Variants in GRAMD1B observed in about 807,000 individuals in gnomAD.
The protein encoded by GRAMD1B is protein Aster-B.
Under a neutral mutation model 99.7 loss-of-function variants are expected in GRAMD1B, and 37 were observed. The ratio of observed to expected loss-of-function variants is 0.37; its 90% CI spans 0.29 to 0.49. The LOEUF (loss-of-function observed/expected upper bound fraction) is 0.49, where lower values mean the gene tolerates loss of function less well. Ranked by LOEUF, GRAMD1B falls within the 20% of genes least tolerant of loss-of-function variation. The pLI, the probability that GRAMD1B is intolerant of heterozygous loss-of-function variation, is 0.98. For synonymous variants in GRAMD1B, 427 were observed against 387.6 expected (o/e 1.10, Z -1.19); for missense variants, 888 against 1,009.2 (o/e 0.88, Z 1.63).
intron 2 of GRAMD1B, among the ~76,000 whole-genome samples, chr11:123,555,890 C>T (rs535357453): frequency 2.6e-5 from 4 of 152,142 alleles, no homozygotes; most frequent in African/African-American, 7.2e-5. Flanking sequence ...CCCACCACCA[C>T]GCCTGGCTAA....
chr11:123,598,399 T>C, intron 7 of GRAMD1B: 1 of 947,884 alleles, frequency 1.1e-6, no homozygotes, highest in Admixed American at 1.7e-5. Context: ...TCTTCTCCTG[T>C]CCTTGCTTGC....
At chr11:123,555,673 CT>C (rs1235394717) in intron 2 of GRAMD1B, among the ~76,000 whole-genome samples, 2 of 151,606 alleles carry the variant, frequency 1.3e-5, no homozygotes, top group African/African-American at 4.8e-5. Flanking sequence ...TTAGAAATAA[CT>C]GTAGGATCAT....
chr11:123,608,589 G>A, intron 11 of GRAMD1B, 70 bp from the exon 12 acceptor site: 1 of 1,553,448 alleles, frequency 6.4e-7, no homozygotes, highest in Non-Finnish European at 8.7e-7. Flanking sequence ...AAGTGCTCTT[G>A]GAGGATGTCC....
At chr11:123,422,773 C>T (rs1205914893) in intron 1 of GRAMD1B, among the ~76,000 whole-genome samples, 2 of 152,210 alleles carry the variant, frequency 1.3e-5, no homozygotes, top group Non-Finnish European at 2.9e-5. Context: ...CCTTGTTCAA[C>T]ATGGAAAATG....
chr11:123,508,321 T>C (rs1032819329), intron 2 of GRAMD1B, among the ~76,000 whole-genome samples: 5 of 152,178 alleles, frequency 3.3e-5, no homozygotes, highest in African/African-American at 1.2e-4. Flanking sequence ...CCCACTCTTA[T>C]GATAACTAAC....
chr11:123,366,636 A>G (rs1406386565), intron 1 of GRAMD1B, among the ~76,000 whole-genome samples: 3 of 152,258 alleles, frequency 2.0e-5, no homozygotes, highest in Admixed American at 6.5e-5. Context: ...CAAACATGAA[A>G]TAGGAGAAAG....
intron 1 of GRAMD1B, among the ~76,000 whole-genome samples, chr11:123,479,081 G>C (rs538459637): frequency 7.2e-4 from 109 of 152,330 alleles, no homozygotes; most frequent in South Asian, 1.9e-3. Context: ...ATGATGAGCA[G>C]CCACTGCATA....
intron 2 of GRAMD1B, among the ~76,000 whole-genome samples, chr11:123,570,056 T>C (rs1361113372): frequency 6.6e-6 from 1 of 152,242 alleles, no homozygotes; most frequent in East Asian, 1.9e-4. Context: ...TGCACAGCTG[T>C]TATACCCGGA....
intron 1 of GRAMD1B, among the ~76,000 whole-genome samples, chr11:123,361,255 T>C (rs1591346604): frequency 1.3e-5 from 2 of 152,194 alleles, no homozygotes; most frequent in East Asian, 3.8e-4. Context: ...CTGTAATATG[T>C]ATGCTTGTCA....
chr11:123,576,560 G>A (rs2673330), intron 2 of GRAMD1B, among the ~76,000 whole-genome samples: 42,073 of 152,112 alleles, frequency 0.28, 6,251 homozygotes, highest in South Asian at 0.43. Context: ...TTTATTTGCA[G>A]CTTATAAGCC....
intron 1 of GRAMD1B, among the ~76,000 whole-genome samples, chr11:123,402,624 T>C (rs1210844925): frequency 6.6e-6 from 1 of 152,178 alleles, no homozygotes; most frequent in East Asian, 1.9e-4. Context: ...CAAGGCCAGG[T>C]CTACCTGGTT....
chr11:123,599,138 T>C (rs1296643543), intron 7 of GRAMD1B: 6 of 809,040 alleles, frequency 7.4e-6, no homozygotes, highest in Admixed American at 1.7e-5. Context: ...CCACTGACAT[T>C]GCCACATAGA....
chr11:123,612,675 C>T (rs1354307937), intron 14 of GRAMD1B, 86 bp from the exon 15 acceptor site: 9 of 750,264 alleles, frequency 1.2e-5, no homozygotes, highest in Non-Finnish European at 1.9e-5. Context: ...TGAAGCGGAT[C>T]TGGCCTTAAC....
chr11:123,520,861 A>G (rs549539581), intron 2 of GRAMD1B, among the ~76,000 whole-genome samples: 3 of 152,146 alleles, frequency 2.0e-5, no homozygotes, highest in Middle Eastern at 3.4e-3. Flanking sequence ...AGTATAAAGA[A>G]CAAATGACAA....
intron 1 of GRAMD1B, among the ~76,000 whole-genome samples, chr11:123,394,600 A>G (rs1383804571): frequency 3.9e-5 from 6 of 152,070 alleles, no homozygotes; most frequent in Non-Finnish European, 8.8e-5. Flanking sequence ...AGCATCTTCT[A>G]TGTGCTAAGC....
At chr11:123,454,189 T>G (rs1293442415) in intron 1 of GRAMD1B, among the ~76,000 whole-genome samples, 2 of 152,248 alleles carry the variant, frequency 1.3e-5, no homozygotes, top group African/African-American at 2.4e-5. Context: ...AATACCTACC[T>G]TGAAGACTGG....
intron 2 of GRAMD1B, among the ~76,000 whole-genome samples, chr11:123,514,650 A>G (rs1941497848): frequency 1.3e-5 from 2 of 152,338 alleles, no homozygotes; most frequent in Admixed American, 6.5e-5. Context: ...TGTGAAAACC[A>G]GAAACAGAAG....
chr11:123,397,647 G>A (rs1947513046), intron 1 of GRAMD1B, among the ~76,000 whole-genome samples: 1 of 152,022 alleles, frequency 6.6e-6, no homozygotes, highest in African/African-American at 2.4e-5. Context: ...GGACCCCAGA[G>A]TGTGCCGCCA....
rs7104215 is a variant in GRAMD1B, at chr11:123,524,912, G to A, written c.452+44019G>A. On this transcript the variant is annotated intron_variant, in intron 2 of 19. Coordinates refer to ENST00000635736, the MANE Select transcript of GRAMD1B (RefSeq NM_001387025.1). Reference sequence around the variant, plus strand: ...GGGAAAGATAGAAAGGGATCATATAGCCAGGGAAGTTGTTGGTGTTGGAAC... The same window carrying A: ...GGGAAAGATAGAAAGGGATCATATAACCAGGGAAGTTGTTGGTGTTGGAAC... Among the ~76,000 whole-genome samples, 979 of 152,250 alleles carry A rather than the reference G, an allele frequency of 6.4e-3. 13 individuals carry two copies. Among genetic ancestry groups the A allele is most frequent in the African/African-American group, 0.021 (891 of 41,536 alleles).
Sources: gnomAD v4.1 joint callset for allele counts (sites outside exome capture counted in the v4.1 genomes callset) on GRCh38, gnomAD v4.1.1 for gene constraint, MANE v1.5 for transcripts, NCBI Gene and HGNC (gene_info 2026-07-23, HGNC 2026-07-21) for gene names.